FOXJ3: variants seen among roughly 807,000 people sequenced by gnomAD.
FOXJ3 encodes forkhead box J3, also known as forkhead box protein J3.
In FOXJ3, 22 loss-of-function variants were observed where a neutral mutation model predicts 76.1. The observed-to-expected ratio is 0.29, with a 90% confidence interval of 0.21 to 0.41. FOXJ3 has a LOEUF of 0.41. FOXJ3 is among the 10% of genes least tolerant of loss of function. FOXJ3 has a pLI of 1.00. For synonymous variants in FOXJ3, 269 were observed against 261.2 expected (o/e 1.03, Z -0.29); for missense variants, 613 against 762.1 (o/e 0.80, Z 2.30).
rs76325293 is a variant in FOXJ3, at chr1:42,228,598, G to A, written c.445-632C>T. 6.2e-5 allele frequency among the ~76,000 whole-genome samples: 9 copies of A among 146,126 alleles called. No individual in the cohort carries two copies. The East Asian group carries it at 9.8e-4, about 16-fold the overall frequency. ...AAAAAAAAAACTTTGGAAAAGCATA[G>A]ATCCATAGATAATATAAGTTTGCAA... On this transcript the variant is annotated intron_variant, in intron 4 of 12. Coordinates refer to ENST00000361346, the MANE Select transcript of FOXJ3 (RefSeq NM_014947.5).
At chr1:42,305,236 C>A (rs544088617) in intron 2 of FOXJ3, among the ~76,000 whole-genome samples, 6 of 152,048 alleles carry the variant, frequency 3.9e-5, no homozygotes, top group African/African-American at 1.4e-4. Context: ...AAAAGACAGG[C>A]AATAACAAAT....
At chr1:42,193,508 A>C (rs2124216897) in intron 8 of FOXJ3, among the ~76,000 whole-genome samples, 2 of 151,314 alleles carry the variant, frequency 1.3e-5, no homozygotes, top group Admixed American at 1.3e-4. Context: ...CCAAGGTTGG[A>C]TTTGCTTAGC....
At position 42,199,238 on chromosome 1, in the gene FOXJ3, GA is replaced by G; in HGVS notation, c.631-9del. The G allele has an allele frequency of 6.2e-7, 1 of 1,601,780 alleles. No homozygotes were observed. The highest frequency in any genetic ancestry group is 8.5e-7 in the Non-Finnish European group (1 of 1,173,226). On this transcript the variant is annotated splice_polypyrimidine_tract_variant and intron_variant, in intron 6 of 12. Transcript: ENST00000361346. ...AGTGTTATACAATGTTACCTAAAAT[GA>G]AAAAAGAAAAATGACAATTGAATAT... is the stretch of plus-strand genomic sequence containing the variant.
chr1:42,248,534 C>CAAAAAA (rs4019586), intron 4 of FOXJ3, among the ~76,000 whole-genome samples: 20 of 136,012 alleles, frequency 1.5e-4, no homozygotes, highest in African/African-American at 4.6e-4. Context: ...ACTGCGTCTC[C>CAAAAAA]AAAAAAAAAA....
chr1:42,322,168 A>C (rs928405529), intron 1 of FOXJ3, among the ~76,000 whole-genome samples: 2 of 152,132 alleles, frequency 1.3e-5, no homozygotes, highest in African/African-American at 4.8e-5. Context: ...GAGAGTGGGA[A>C]GTGGCTATGG....
rs1160552816 is a variant in FOXJ3 at position 42,189,386 on chromosome 1, T to C, written c.1370A>G (p.Tyr457Cys). Residue 457 changes from tyrosine to cysteine, a missense_variant, in exon 10 of 13, where the codon TAT becomes TGT. Coordinates refer to ENST00000361346, the MANE Select transcript of FOXJ3 (RefSeq NM_014947.5). ...TTCTTTTAGCATATCAAGTGTCGCA[T>C]ACCAATCATTTGAAACACCTATAAA... is the stretch of plus-strand genomic sequence containing the variant. Reference protein sequence around the residue: ...SCNSGVSNDWYATLDMLKESC... With the variant: ...SCNSGVSNDWCATLDMLKESC... 3.1e-6 allele frequency: 5 copies of C among 1,612,180 alleles called. No homozygotes were observed. In the East Asian group the frequency reaches 1.1e-4, roughly 36 times the overall value.
intron 4 of FOXJ3, among the ~76,000 whole-genome samples, chr1:42,250,676 C>T (rs894189069): frequency 6.6e-6 from 1 of 151,390 alleles, no homozygotes; most frequent in Admixed American, 6.6e-5. Context: ...ATTAGCTGGG[C>T]GTGGTGGCAC....
At chr1:42,281,168 A>G (rs1440528195) in intron 2 of FOXJ3, among the ~76,000 whole-genome samples, 1 of 151,446 alleles carries the variant, frequency 6.6e-6, no homozygotes, top group African/African-American at 2.4e-5. Flanking sequence ...AAGGATGCAT[A>G]AATTATACAT....
chr1:42,335,024 G>A, intron 1 of FOXJ3, 35 bp downstream of exon 1: 1 of 152,320 alleles, frequency 6.6e-6, no homozygotes, highest in Non-Finnish European at 1.5e-5. Flanking sequence ...CTCGCCCGCC[G>A]CCCAGGCCCG....
chr1:42,282,345 G>A (rs1267605538), intron 2 of FOXJ3, among the ~76,000 whole-genome samples: 6 of 152,028 alleles, frequency 3.9e-5, no homozygotes, highest in Non-Finnish European at 8.8e-5. Context: ...TATCAACACT[G>A]CTTTCATGTC....
chr1:42,228,860 T>G (rs746731106), intron 4 of FOXJ3, among the ~76,000 whole-genome samples: 1 of 152,086 alleles, frequency 6.6e-6, no homozygotes, highest in Non-Finnish European at 1.5e-5. Context: ...AGAAACACAA[T>G]GTATATCCTA....
intron 4 of FOXJ3, among the ~76,000 whole-genome samples, chr1:42,235,929 C>T (rs1036609456): frequency 6.6e-6 from 1 of 152,068 alleles, no homozygotes; most frequent in African/African-American, 2.4e-5. Flanking sequence ...CTCAAATGAT[C>T]CTCCTGCCTT....
chr1:42,263,297 AT>A (rs569680023), intron 4 of FOXJ3, among the ~76,000 whole-genome samples: 18 of 152,030 alleles, frequency 1.2e-4, no homozygotes, highest in African/African-American at 2.2e-4. Flanking sequence ...CTGATTTTTA[AT>A]TTTTTTTAAT....
chr1:42,231,847 A>G (rs1648153496), intron 4 of FOXJ3, among the ~76,000 whole-genome samples: 1 of 152,128 alleles, frequency 6.6e-6, no homozygotes, highest in African/African-American at 2.4e-5. Context: ...ACATGTGCAC[A>G]ACGTGCATGT....
chr1:42,334,147 G>A (rs1656321893), intron 1 of FOXJ3: 1 of 980,224 alleles, frequency 1.0e-6, no homozygotes, highest in Non-Finnish European at 1.2e-6. Context: ...TGAATGCATC[G>A]GTAGCAAGCG....
At chr1:42,256,424 G>C (rs1437812371) in intron 4 of FOXJ3, among the ~76,000 whole-genome samples, 1 of 152,116 alleles carries the variant, frequency 6.6e-6, no homozygotes, top group Admixed American at 6.5e-5. Context: ...AATTTTAAAA[G>C]AACTTTCAGA....
intron 4 of FOXJ3, among the ~76,000 whole-genome samples, chr1:42,252,156 T>C (rs1488477889): frequency 6.6e-6 from 1 of 152,152 alleles, no homozygotes; most frequent in Non-Finnish European, 1.5e-5. Context: ...TTAGGGAGGA[T>C]TCCCTCTTTT....
At chr1:42,205,369 T>A (rs546194829) in intron 6 of FOXJ3, among the ~76,000 whole-genome samples, 2 of 152,224 alleles carry the variant, frequency 1.3e-5, no homozygotes, top group South Asian at 4.1e-4. Context: ...GGCTGTCCAA[T>A]TATTTATTTT....
chr1:42,199,276 T>G (rs777154304), intron 6 of FOXJ3, 46 bp from the exon 7 acceptor site: 1 of 1,533,136 alleles, frequency 6.5e-7, no homozygotes, highest in East Asian at 2.3e-5. Flanking sequence ...AGGGTACTTC[T>G]TAAGCAACTC....
Sources: allele counts gnomAD v4.1 joint callset (sites outside exome capture counted in the v4.1 genomes callset), GRCh38; gene constraint gnomAD v4.1.1; transcripts MANE v1.5; gene names NCBI Gene and HGNC (gene_info 2026-07-23, HGNC 2026-07-21).